CASQ1: variants seen among roughly 807,000 people sequenced by gnomAD.
CASQ1 encodes calsequestrin 1.
Under a neutral mutation model 49.5 loss-of-function variants are expected in CASQ1, and 40 were observed. The observed-to-expected ratio is 0.81, with a 90% CI of 0.63 to 1.05. CASQ1 has a LOEUF of 1.05. CASQ1 is among the 50% of genes least tolerant of loss of function. The pLI is 0.00. For missense variants in CASQ1, 469 were observed against 486.9 expected (o/e 0.96, Z 0.35); for synonymous variants, 174 against 187.2 (o/e 0.93, Z 0.58).
intron 6 of CASQ1, 119 bp downstream of exon 6, chr1:160,196,146 A>G: frequency 1.1e-6 from 1 of 947,098 alleles, no homozygotes; most frequent in South Asian, 1.7e-5. Context: ...CTGGAGATGA[A>G]TACACTTTGG....
intron 7 of CASQ1, chr1:160,198,465 T>C (rs981583415): frequency 5.0e-5 from 23 of 456,248 alleles, no homozygotes; most frequent in Non-Finnish European, 7.9e-5. Flanking sequence ...GATCGCGCCA[T>C]TGCACTCTAC....
chr1:160,192,982 G>C (rs181405560), intron 2 of CASQ1, 96 bp downstream of exon 2: 7 of 930,252 alleles, frequency 7.5e-6, no homozygotes, highest in South Asian at 5.4e-5. Context: ...GATCCGAGGG[G>C]CTTGGGAATC....
chr1:160,200,965 G>C (rs551176118), intron 10 of CASQ1, among the ~76,000 whole-genome samples: 5 of 152,220 alleles, frequency 3.3e-5, no homozygotes, highest in Non-Finnish European at 7.3e-5. Flanking sequence ...CAGTGGTTTT[G>C]CACCAAAGGC....
At chr1:160,196,402 G>A (rs1451153333) in intron 6 of CASQ1, among the ~76,000 whole-genome samples, 5 of 151,852 alleles carry the variant, frequency 3.3e-5, no homozygotes, top group Admixed American at 1.3e-4. Flanking sequence ...GTTTCTACAG[G>A]TAATAAGTGT....
In CASQ1 at chr1:160,199,925, T is replaced by C. The variant is rs372635759; in HGVS notation, c.1059T>C (p.Asp353=). ...APQIGVVNVT[D]ADSVWMEMDD... ...AAATAGGAGTCGTCAATGTTACTGA[T>C]GTGAGTTTCCTGTCCTCATCCCGGG... The change falls in exon 10 of 11, where the codon GAT becomes GAC. Residue 353 remains aspartate (D), a splice_region_variant and synonymous_variant. Transcript: ENST00000368078. 5 of 1,607,600 alleles carry C rather than the reference T, an allele frequency of 3.1e-6. No homozygotes were observed. The highest frequency in any genetic ancestry group is 4.3e-6 in the Non-Finnish European group (5 of 1,174,036).
At chr1:160,196,753 G>C (rs1654251810) in intron 6 of CASQ1, among the ~76,000 whole-genome samples, 1 of 152,182 alleles carries the variant, frequency 6.6e-6, no homozygotes, top group African/African-American at 2.4e-5. Flanking sequence ...TGGGATTACA[G>C]GCATGAGCCA....
chr1:160,198,842 G>A (rs1236764512), intron 8 of CASQ1, 111 bp downstream of exon 8: 5 of 1,218,428 alleles, frequency 4.1e-6, no homozygotes, highest in Non-Finnish European at 6.1e-6. Context: ...AAACAGCCTA[G>A]GGCTAGACAT....
intron 1 of CASQ1, among the ~76,000 whole-genome samples, chr1:160,191,986 C>T (rs1484538626): frequency 6.6e-6 from 1 of 152,194 alleles, no homozygotes; most frequent in Non-Finnish European, 1.5e-5. Flanking sequence ...TATCCCTGGC[C>T]ATCCACCTGC....
At chr1:160,195,844 C>A (rs777739808) in intron 5 of CASQ1, 53 bp from the exon 6 acceptor site, 9 of 1,586,438 alleles carry the variant, frequency 5.7e-6, no homozygotes, top group South Asian at 1.1e-5. Flanking sequence ...TACTGCTTCT[C>A]GACATGACCC....
chr1:160,195,653 C>A lies in CASQ1; in HGVS notation c.651+119C>A, dbSNP rs568204148. 1.8e-5 allele frequency: 11 copies of A among 613,260 alleles called. No individual in the cohort carries two copies. In the African/African-American group the frequency reaches 4.2e-4, roughly 24 times the overall value. 38.0% of individuals were successfully genotyped at this position (613,260 alleles called of 1,614,324 possible). On this transcript the variant is annotated intron_variant, in intron 5 of 10. Transcript: ENST00000368078. ...CCTACGTGCTGGCACTCCCTACCTG[C>A]CCCCCCCCCCGGCTCCTCCCACTCC...
intron 7 of CASQ1, among the ~76,000 whole-genome samples, chr1:160,197,965 T>G (rs953162596): frequency 3.4e-5 from 5 of 149,102 alleles, no homozygotes; most frequent in South Asian, 2.1e-4. Flanking sequence ...CTTGCAGTGA[T>G]CCGCCACTGC....
chr1:160,196,719 G>A (rs964939257), intron 6 of CASQ1, among the ~76,000 whole-genome samples: 13 of 152,056 alleles, frequency 8.5e-5, no homozygotes, highest in African/African-American at 3.1e-4. Context: ...CAAGTGATGC[G>A]CCTGCCTCGG....
In CASQ1 at chr1:160,201,404, A is replaced by G. The variant is rs746299414; in HGVS notation, c.*28A>G. ...GCTATGGCAACCATCTTTCAGCCCC[A>G]CTGGTCTTTTCATGCTCTCTCCTGC... On this transcript the variant is annotated 3_prime_UTR_variant, in exon 11 of 11. Coordinates refer to ENST00000368078, the MANE Select transcript of CASQ1 (RefSeq NM_001231.5). The G allele has an allele frequency of 1.2e-6, 2 of 1,612,302 alleles. No individual in the cohort carries two copies. The highest frequency in any genetic ancestry group is 1.1e-5 in the South Asian group (1 of 90,766).
At position 160,201,445 on chromosome 1, in the gene CASQ1, C is replaced by T; in HGVS notation, c.*69C>T. On this transcript the variant is annotated 3_prime_UTR_variant, in exon 11 of 11. Transcript: ENST00000368078. Reference sequence around the variant, plus strand: ...TCTCTCCTGCCTTCCCTTGTCCTTCCCTGAGTTCCTCCAGGGAGACTAGGT... The same window carrying T: ...TCTCTCCTGCCTTCCCTTGTCCTTCTCTGAGTTCCTCCAGGGAGACTAGGT... 1 of 1,551,060 alleles carries T rather than the reference C, an allele frequency of 6.4e-7. No individual in the cohort carries two copies. The highest frequency in any genetic ancestry group is 1.8e-5 in the Admixed American group (1 of 56,966).
chr1:160,198,714 C>A lies in CASQ1; in HGVS notation c.866C>A (p.Ala289Glu), dbSNP rs1254872863. Residue 289 changes from alanine to glutamate, a missense_variant, in exon 8 of 11, where the codon GCA becomes GAA. Coordinates refer to ENST00000368078, the MANE Select transcript of CASQ1 (RefSeq NM_001231.5). ...GATGGAATCCACATTGTGGCCTTCG[C>A]AGAGGAAGCTGATCCTGGTGAGGGA... The part of the protein sequence containing the change: ...DMDGIHIVAF[A>E]EEADPDGFEF... 6.2e-7 allele frequency: 1 copy of A among 1,613,620 alleles called. No individual in the cohort carries two copies. Among genetic ancestry groups the A allele is most frequent in the Non-Finnish European group, 8.5e-7 (1 of 1,179,704 alleles).
At chr1:160,191,694 C>T (rs992639589) in intron 1 of CASQ1, among the ~76,000 whole-genome samples, 1 of 152,130 alleles carries the variant, frequency 6.6e-6, no homozygotes, top group Non-Finnish European at 1.5e-5. Context: ...GTCTCCTCAC[C>T]TCCAAAATGA....
Position 160,201,539 on chromosome 1 carries a change from T to C in CASQ1, c.*163T>C. On this transcript the variant is annotated 3_prime_UTR_variant, in exon 11 of 11. Transcript: ENST00000368078. Reference sequence around the variant, plus strand: ...TGAGACACTGATCCCCCTCATTTGATGAGCAAATGAGCTACTTTTCCCTAG... The same window carrying C: ...TGAGACACTGATCCCCCTCATTTGACGAGCAAATGAGCTACTTTTCCCTAG... 1 of 673,338 alleles carries C rather than the reference T, an allele frequency of 1.5e-6. No individual in the cohort carries two copies. The highest frequency in any genetic ancestry group is 2.5e-6 in the Non-Finnish European group (1 of 393,442). 41.7% of individuals were successfully genotyped at this position (673,338 alleles called of 1,614,324 possible).
chr1:160,192,947 G>C (rs55851957), intron 2 of CASQ1, 61 bp downstream of exon 2: 1 of 1,368,756 alleles, frequency 7.3e-7, no homozygotes, highest in African/African-American at 1.4e-5. Flanking sequence ...GGCTTAGGGC[G>C]GAGGACCTGT....
chr1:160,192,971 G>A, intron 2 of CASQ1, 85 bp downstream of exon 2: 1 of 1,000,580 alleles, frequency 1.0e-6, no homozygotes, highest in Non-Finnish European at 1.6e-6. Context: ...GCAGTCCTTG[G>A]GATCCGAGGG....
Sources: allele counts gnomAD v4.1 joint callset (sites outside exome capture counted in the v4.1 genomes callset), GRCh38; gene constraint gnomAD v4.1.1; transcripts MANE v1.5; gene names NCBI Gene and HGNC (gene_info 2026-07-23, HGNC 2026-07-21).